The following SCAPER variants were observed in gnomAD, a reference collection of about 807,000 sequenced individuals.
SCAPER encodes S-phase cyclin A associated protein in the ER, also known as S phase cyclin A-associated protein in the endoplasmic reticulum.
A neutral mutation model predicts 182.2 loss-of-function variants in SCAPER; 98 were observed. The ratio of observed to expected loss-of-function variants is 0.54; its 90% CI spans 0.46 to 0.64. The LOEUF (loss-of-function observed/expected upper bound fraction) is 0.64. SCAPER is among the 30% of genes least tolerant of loss of function. The pLI is 0.00. For missense variants in SCAPER, 1,432 were observed against 1,690.0 expected, an observed-to-expected ratio of 0.85 and a Z score of 2.68; for synonymous variants, 605 against 564.6, an observed-to-expected ratio of 1.07 and a Z score of -1.01.
Position 76,774,968 on chromosome 15 carries a change from C to T in SCAPER, c.922G>A (p.Asp308Asn). ...SDKENVCLLP[D>N]ESIQKGQFVG... ...AATTGACCTTTCTGTATGCTTTCAT[C>T]AGGTAAAAGACATACATTTTCTTTA... Residue 308 changes from aspartate to asparagine, a missense_variant, in exon 9 of 32, where the codon GAT becomes AAT. By Grantham distance (23) the Asp-to-Asn change is conservative. Coordinates refer to ENST00000563290, the MANE Select transcript of SCAPER (RefSeq NM_020843.4). The T allele has an allele frequency of 6.2e-7, 1 of 1,613,796 alleles. No individual in the cohort carries two copies. Among genetic ancestry groups the T allele is most frequent in the Non-Finnish European group, 8.5e-7 (1 of 1,179,776 alleles).
At chr15:76,776,881 T>C (rs192131140) in intron 8 of SCAPER, among the ~76,000 whole-genome samples, 10 of 151,828 alleles carry the variant, frequency 6.6e-5, no homozygotes, top group Admixed American at 5.9e-4. Flanking sequence ...AGAAGGAGAG[T>C]ATAGGAAAAA....
intron 22 of SCAPER, among the ~76,000 whole-genome samples, chr15:76,596,626 C>G (rs2896952): frequency 8.3e-6 from 1 of 120,018 alleles, no homozygotes; most frequent in African/African-American, 2.5e-5. Context: ...ATGATCAAGT[C>G]GGCTTCATCC....
intron 27 of SCAPER, among the ~76,000 whole-genome samples, chr15:76,399,982 G>T (rs1033640169): frequency 1.3e-5 from 2 of 149,902 alleles, no homozygotes; most frequent in African/African-American, 2.5e-5. Flanking sequence ...TCCAGCCTGG[G>T]CGACAGAGCG....
intron 24 of SCAPER, among the ~76,000 whole-genome samples, chr15:76,493,445 C>T (rs2052527030): frequency 1.3e-5 from 2 of 151,970 alleles, no homozygotes; most frequent in African/African-American, 2.4e-5. Flanking sequence ...GAAAGGAAAT[C>T]ATATATATTT....
intron 29 of SCAPER, among the ~76,000 whole-genome samples, chr15:76,369,975 G>A (rs143015347): frequency 2.6e-5 from 4 of 152,294 alleles, no homozygotes; most frequent in East Asian, 1.9e-4. Flanking sequence ...ATAAGTGTCC[G>A]TCATTGGGCT....
chr15:76,550,914 C>A (rs1278491451), intron 23 of SCAPER, among the ~76,000 whole-genome samples: 1 of 151,944 alleles, frequency 6.6e-6, no homozygotes, highest in Non-Finnish European at 1.5e-5. Flanking sequence ...TGACATTTCT[C>A]AAAAGATGAC....
chr15:76,632,578 C>G (rs974603939), intron 21 of SCAPER, among the ~76,000 whole-genome samples: 2 of 152,084 alleles, frequency 1.3e-5, no homozygotes, highest in African/African-American at 4.8e-5. Flanking sequence ...TTCATTATTA[C>G]CCATCTTCTG....
At chr15:76,651,346 G>T (rs990306017) in intron 21 of SCAPER, among the ~76,000 whole-genome samples, 7 of 152,048 alleles carry the variant, frequency 4.6e-5, no homozygotes, top group African/African-American at 1.7e-4. Flanking sequence ...GAAAAATAAT[G>T]CAATTTTCTT....
At chr15:76,785,152 A>G (rs2064485133) in intron 8 of SCAPER, among the ~76,000 whole-genome samples, 1 of 152,254 alleles carries the variant, frequency 6.6e-6, no homozygotes, top group Admixed American at 6.5e-5. Flanking sequence ...GCTAATATCT[A>G]GAATCTACAA....
chr15:76,611,169 A>C (rs1242686818), intron 22 of SCAPER, among the ~76,000 whole-genome samples: 2 of 152,218 alleles, frequency 1.3e-5, no homozygotes, highest in African/African-American at 4.8e-5. Context: ...GAGAAAGAAT[A>C]GTCTCTTCAA....
intron 23 of SCAPER, among the ~76,000 whole-genome samples, chr15:76,532,673 T>C (rs913368729): frequency 1.3e-5 from 2 of 152,222 alleles, no homozygotes; most frequent in African/African-American, 4.8e-5. Flanking sequence ...TCATAAATTT[T>C]CTGAAGAAAA....
chr15:76,869,655 T>C (rs1192132982), intron 2 of SCAPER, among the ~76,000 whole-genome samples: 2 of 151,920 alleles, frequency 1.3e-5, no homozygotes, highest in Admixed American at 6.6e-5. Flanking sequence ...ACACTGTTGG[T>C]GGAAATGAAA....
chr15:76,629,550 G>A (rs1056929008), intron 21 of SCAPER, among the ~76,000 whole-genome samples: 1 of 152,184 alleles, frequency 6.6e-6, no homozygotes, highest in Non-Finnish European at 1.5e-5. Flanking sequence ...CTGTTTATGT[G>A]ATGAATTATG....
chr15:76,515,844 A>G (rs1015136999), intron 23 of SCAPER, among the ~76,000 whole-genome samples: 4 of 152,230 alleles, frequency 2.6e-5, no homozygotes, highest in African/African-American at 7.2e-5. Context: ...AATCAATTTA[A>G]TTCCTGGGGC....
chr15:76,550,230 G>A (rs1168242297), intron 23 of SCAPER, among the ~76,000 whole-genome samples: 1 of 152,100 alleles, frequency 6.6e-6, no homozygotes, highest in East Asian at 1.9e-4. Context: ...TACATGTGCA[G>A]GACATGTAGG....
At chr15:76,840,243 C>A (rs2069338719) in intron 5 of SCAPER, among the ~76,000 whole-genome samples, 1 of 151,928 alleles carries the variant, frequency 6.6e-6, no homozygotes, top group African/African-American at 2.4e-5. Flanking sequence ...CATGATGCAT[C>A]CTCATCGCTA....
At position 76,535,846 on chromosome 15, in the gene SCAPER, C is replaced by T. The variant is rs190409159; in HGVS notation, c.2839-30872G>A. Among the ~76,000 whole-genome samples, 46 of 152,210 alleles carry T rather than the reference C, an allele frequency of 3.0e-4. 1 individual carries two copies. The highest frequency in any genetic ancestry group is 8.9e-4 in the African/African-American group (37 of 41,518). ...AAATACAGGTATGACAGAAGAGTCA[C>T]GAGATTTGGGTTCTGGTCTCAGTAG... On this transcript the variant is annotated intron_variant, in intron 23 of 31. Coordinates refer to ENST00000563290, the MANE Select transcript of SCAPER (RefSeq NM_020843.4).
At chr15:76,845,939 A>C (rs1455013084) in intron 4 of SCAPER, among the ~76,000 whole-genome samples, 1 of 152,198 alleles carries the variant, frequency 6.6e-6, no homozygotes, top group African/African-American at 2.4e-5. Flanking sequence ...CCTGAATTAA[A>C]GTTATACTAA....
At chr15:76,778,134 T>C (rs1223670103) in intron 8 of SCAPER, among the ~76,000 whole-genome samples, 2 of 152,172 alleles carry the variant, frequency 1.3e-5, no homozygotes, top group Non-Finnish European at 2.9e-5. Flanking sequence ...AAGTCATAAG[T>C]TGGGACTCAT....
Sources: gnomAD v4.1 joint callset for allele counts (sites outside exome capture counted in the v4.1 genomes callset) on GRCh38, gnomAD v4.1.1 for gene constraint, MANE v1.5 for transcripts, NCBI Gene and HGNC (gene_info 2026-07-23, HGNC 2026-07-21) for gene names.